Variants in KIRREL2 observed in about 807,000 individuals in gnomAD.
KIRREL2 encodes the protein kin of IRRE-like protein 2.
KIRREL2 carries 56 observed loss-of-function variants against 73.4 expected under a neutral mutation model. The ratio of observed to expected loss-of-function variants is 0.76; its 90% CI spans 0.62 to 0.95. The LOEUF is 0.95. KIRREL2 is among the 40% of genes least tolerant of loss of function. KIRREL2 has a pLI of 0.00. For missense variants in KIRREL2, 896 were observed against 935.0 expected (o/e 0.96, Z 0.54); for synonymous variants, 407 against 404.0 (o/e 1.01, Z -0.09).
At chr19:35,864,299 C>T (rs893257351) in intron 13 of KIRREL2, among the ~76,000 whole-genome samples, 16 of 152,110 alleles carry the variant, frequency 1.1e-4, no homozygotes, top group African/African-American at 3.4e-4. Context: ...AAGTGATTCT[C>T]GTTCCTTAGC....
Position 35,860,654 on chromosome 19 carries a change from G to C in KIRREL2, c.915G>C (p.Ala305=). Reference sequence around the variant, plus strand: ...TGGGTAGCGCCAACCGCAGTACTGCGCTGGATGTGCTGTGTGAGCTGGGGC... The same window carrying C: ...TGGGTAGCGCCAACCGCAGTACTGCCCTGGATGTGCTGTGTGAGCTGGGGC... The part of the protein sequence containing the change: ...NAVGSANRST[A]LDVLFGPILQ... The change falls in exon 7 of 15, where the codon GCG becomes GCC. Residue 305 remains alanine, a synonymous_variant. Coordinates refer to ENST00000360202, the MANE Select transcript of KIRREL2 (RefSeq NM_199180.4). The C allele has an allele frequency of 6.2e-7, 1 of 1,602,930 alleles. No individual in the cohort carries two copies. The highest frequency in any genetic ancestry group is 8.5e-7 in the Non-Finnish European group (1 of 1,179,900).
chr19:35,866,624 A>C lies in KIRREL2; in HGVS notation c.*132A>C. On this transcript the variant is annotated 3_prime_UTR_variant, in exon 15 of 15. Coordinates refer to ENST00000360202, the MANE Select transcript of KIRREL2 (RefSeq NM_199180.4). ...CACAAGGGGAGGGAAAGATCATTAC[A>C]TTTGTCAGGAGCATTTGTATACAGT... 3.0e-6 allele frequency: 4 copies of C among 1,348,846 alleles called. No homozygotes were observed. The Admixed American group carries it at 8.2e-5, about 28-fold the overall frequency. 83.6% of individuals were successfully genotyped at this position (1,348,846 alleles called of 1,614,324 possible). A position where few individuals can be genotyped will look rare whatever the true frequency, so the allele number is the denominator to read the frequency against.
In KIRREL2 at chr19:35,866,893, A is replaced by C. The variant is rs1033822144; in HGVS notation, c.*401A>C. On this transcript the variant is annotated 3_prime_UTR_variant, in exon 15 of 15. Coordinates refer to ENST00000360202, the MANE Select transcript of KIRREL2 (RefSeq NM_199180.4). ...TAGCATAGGATAGATGAAGATGAAG[A>C]GCATACCAGGCCCCACCCTGGCTCT... is the stretch of plus-strand genomic sequence containing the variant. 1.6e-5 allele frequency: 4 copies of C among 255,484 alleles called. No individual in the cohort carries two copies. Among genetic ancestry groups the C allele is most frequent in the Non-Finnish European group, 2.9e-5 (4 of 136,260 alleles). The allele number at this position is 255,484 out of a possible 1,614,324, so 15.8% of individuals were successfully genotyped here.
At chr19:35,853,367 G>C (rs1599851009), upstream of KIRREL2, among the ~76,000 whole-genome samples, 1 of 152,206 alleles carries the variant, frequency 6.6e-6, no homozygotes, top group Non-Finnish European at 1.5e-5. Flanking sequence ...CCCCAGTGTG[G>C]GTGCAGTGTG....
In KIRREL2 at chr19:35,861,804, G is replaced by A; in HGVS notation, c.1291-1G>A. 6.3e-7 allele frequency: 1 copy of A among 1,588,308 alleles called. No individual in the cohort carries two copies. The highest frequency in any genetic ancestry group is 8.6e-7 in the Non-Finnish European group (1 of 1,167,230). ...GTGTCCTCCCTCTTTTGTGCCCCCA[G>A]GTCTGGTCTTGGGATGAGGGCTTCC... On this transcript the variant is annotated splice_acceptor_variant, in intron 10 of 14. Coordinates refer to ENST00000360202, the MANE Select transcript of KIRREL2 (RefSeq NM_199180.4). LOFTEE classifies it high-confidence loss of function.
chr19:35,863,652 A>T (rs1003032966), intron 13 of KIRREL2, among the ~76,000 whole-genome samples: 2 of 151,714 alleles, frequency 1.3e-5, no homozygotes, highest in African/African-American at 2.4e-5. Flanking sequence ...GGGTTTCACC[A>T]TGTTGGCCAG....
Position 35,857,502 on chromosome 19 carries a change from T to G in KIRREL2, c.211+8T>G. On this transcript the variant is annotated splice_region_variant and intron_variant, in intron 2 of 14. Transcript: ENST00000360202. ...GCCAAAGGGACCTACCAGGTAAGAG[T>G]GTTCTCTCCACGCTGGGACGGGCTG... The G allele has an allele frequency of 6.4e-7, 1 of 1,562,746 alleles. No individual in the cohort carries two copies. Among genetic ancestry groups the G allele is most frequent in the Non-Finnish European group, 8.6e-7 (1 of 1,156,202 alleles).
At chr19:35,858,643 G>T in intron 3 of KIRREL2, 61 bp from the exon 4 acceptor site, 1 of 1,608,638 alleles carries the variant, frequency 6.2e-7, no homozygotes, top group Non-Finnish European at 8.5e-7. Flanking sequence ...GAGCCCAGGG[G>T]CATGGTCAAT....
rs761189830 is a variant in KIRREL2, at chr19:35,858,528, G to A, written c.332G>A (p.Arg111His). The A allele has an allele frequency of 6.2e-6, 10 of 1,614,138 alleles. No individual in the cohort carries two copies. Among genetic ancestry groups the A allele is most frequent in the African/African-American group, 2.7e-5 (2 of 75,048 alleles). Residue 111 changes from arginine (R) to histidine (H), a missense_variant, in exon 3 of 15, where the codon CGC becomes CAC. Transcript: ENST00000360202. ...YECQATQAGL[R>H]SRPAQLHVLV... is the part of the protein sequence containing the mutation. ...TGTCAGGCTACACAAGCAGGCCTCC[G>A]CTCCAGACCAGCCCAACTGCACGTG...
rs775542301 is a variant in KIRREL2, at chr19:35,860,997, G to A, written c.1017G>A (p.Pro339=). The change falls in exon 8 of 15, where the codon CCG becomes CCA. Residue 339 remains proline, a synonymous_variant. Transcript: ENST00000360202. The part of the protein sequence containing the change: ...ASFSCAWRGN[P]LPRVTWTRRG... The stretch of plus-strand genomic sequence containing the variant: ...TCAGCTGCGCCTGGCGCGGGAACCC[G>A]CTTCCACGGGTAACCTGGACCCGCC... The A allele has an allele frequency of 3.7e-6, 6 of 1,612,130 alleles. No homozygotes were observed. Among genetic ancestry groups the A allele is most frequent in the Non-Finnish European group, 5.1e-6 (6 of 1,179,434 alleles).
Position 35,862,024 on chromosome 19 carries a change from G to A in KIRREL2, c.1510G>A (p.Asp504Asn). ...GGAQASLGRR[D>N]LLPTVRIVAG... is the part of the protein sequence containing the mutation. ...TGCCCAGGCCAGCCTGGGCCGTAGA[G>A]GTGAGACCCCAGCCCGAAGACCCCA... Residue 504 changes from aspartate (D) to asparagine (N), a missense_variant and splice_region_variant, in exon 11 of 15, where the codon GAC (aspartate) becomes AAC (asparagine). Physicochemically the swap from Asp to Asn is conservative, Grantham distance 23. Transcript: ENST00000360202. 1 of 1,605,778 alleles carries A rather than the reference G, an allele frequency of 6.2e-7. No homozygotes were observed. The highest frequency in any genetic ancestry group is 1.1e-5 in the South Asian group (1 of 89,574).
rs762625007 is a variant in KIRREL2, at chr19:35,866,490, TGACATCTTTCCAATGGAA to T, written c.*1_*18del. The T allele has an allele frequency of 6.2e-7, 1 of 1,613,646 alleles. No individual in the cohort carries two copies. The highest frequency in any genetic ancestry group is 2.2e-5 in the East Asian group (1 of 44,868). On this transcript the variant is annotated stop_retained_variant and 3_prime_UTR_variant, in exon 15 of 15. Transcript: ENST00000360202. ...CCACCCGCGTCTCCAGACTCACGTG[TGACATCTTTCCAATGGAA>T]GAGTCCTGGGATCTCCAACTTGCCA...
rs545644011 is a variant in KIRREL2 at position 35,863,519 on chromosome 19, C to G, written c.1725+483C>G. On this transcript the variant is annotated intron_variant, in intron 13 of 14. Transcript: ENST00000360202. ...CCAGGCTGGAGTACAGTGCTGCGAT[C>G]TCGGCTCACTGCAACCTCTGCCTCC... 4.0e-5 allele frequency among the ~76,000 whole-genome samples: 6 copies of G among 148,362 alleles called. No homozygotes were observed. In the East Asian group the frequency reaches 1.2e-3, roughly 30 times the overall value.
chr19:35,861,173 G>GT lies in KIRREL2; in HGVS notation c.1108_1109insT (p.Ala370ValfsTer9). Reference sequence around the variant, plus strand: ...TCTTCCGTCGGTGGGGCCCGAGGACGCAGGCGACTATGTGTGCAGAGCTGA... The same window carrying GT: ...TCTTCCGTCGGTGGGGCCCGAGGACGTCAGGCGACTATGTGTGCAGAGCTGA... On this transcript the variant is annotated frameshift_variant, in exon 9 of 15. Transcript: ENST00000360202. LOFTEE classifies it high-confidence loss of function. 6.3e-7 allele frequency: 1 copy of GT among 1,584,686 alleles called. No individual in the cohort carries two copies. The highest frequency in any genetic ancestry group is 8.6e-7 in the Non-Finnish European group (1 of 1,167,932).
At position 35,857,030 on chromosome 19, in the gene KIRREL2, C is replaced by G; in HGVS notation, c.-90C>G. The G allele has an allele frequency of 7.3e-7, 1 of 1,377,736 alleles. No individual in the cohort carries two copies. Among genetic ancestry groups the G allele is most frequent in the Admixed American group, 1.7e-5 (1 of 58,878 alleles). 85.3% of individuals were successfully genotyped at this position (1,377,736 alleles called of 1,614,324 possible). Reference sequence around the variant, plus strand: ...CGAAGAGTCGAGCGTGAAGGGGGCTCCGGGCCAGGGTGACAGGAGGCGTGC... The same window carrying G: ...CGAAGAGTCGAGCGTGAAGGGGGCTGCGGGCCAGGGTGACAGGAGGCGTGC... On this transcript the variant is annotated 5_prime_UTR_variant, in exon 1 of 15. Coordinates refer to ENST00000360202, the MANE Select transcript of KIRREL2 (RefSeq NM_199180.4).
chr19:35,863,037 G>T lies in KIRREL2; in HGVS notation c.1725+1G>T. ...GGAGACAGGCAGCCGCGAGGACCGGGTAGGATGCCAGGGTCCCCAGACCTG... is the reference window on the plus strand; with the variant it reads ...GGAGACAGGCAGCCGCGAGGACCGGTTAGGATGCCAGGGTCCCCAGACCTG... On this transcript the variant is annotated splice_donor_variant, in intron 13 of 14. Coordinates refer to ENST00000360202, the MANE Select transcript of KIRREL2 (RefSeq NM_199180.4). LOFTEE classifies it high-confidence loss of function. The T allele has an allele frequency of 1.3e-6, 2 of 1,548,468 alleles. No individual in the cohort carries two copies. Among genetic ancestry groups the T allele is most frequent in the Non-Finnish European group, 1.8e-6 (2 of 1,135,994 alleles).
chr19:35,857,394 G>A lies in KIRREL2; in HGVS notation c.111G>A (p.Leu37=). 1 of 1,613,008 alleles carries A rather than the reference G, an allele frequency of 6.2e-7. No individual in the cohort carries two copies. The highest frequency in any genetic ancestry group is 8.5e-7 in the Non-Finnish European group (1 of 1,180,018). Reference sequence around the variant, plus strand: ...AGCCAGAGGACCTGGTGGTGCTGCTGGGGGAGGAAGCCCGGCTGCCGTGTG... The same window carrying A: ...AGCCAGAGGACCTGGTGGTGCTGCTAGGGGAGGAAGCCCGGCTGCCGTGTG... ...LQQPEDLVVL[L]GEEARLPCAL... is the part of the protein sequence containing the mutation. Residue 37 remains leucine, a synonymous_variant, in exon 2 of 15, where the codon CTG becomes CTA. Transcript: ENST00000360202.
chr19:35,864,851 C>T, intron 14 of KIRREL2, 138 bp downstream of exon 14: 1 of 657,892 alleles, frequency 1.5e-6, no homozygotes, highest in East Asian at 2.8e-5. Flanking sequence ...AGCTCCCCAC[C>T]CCACTCCTCC....
intron 12 of KIRREL2, 149 bp from the exon 13 acceptor site, chr19:35,862,778 A>C (rs1351539802): frequency 1.5e-5 from 10 of 680,340 alleles, no homozygotes; most frequent in Non-Finnish European, 2.3e-5. Context: ...TCCCAGGGTC[A>C]CACTCCTCGG....
Sources: gnomAD v4.1 joint callset for allele counts (sites outside exome capture counted in the v4.1 genomes callset) on GRCh38, gnomAD v4.1.1 for gene constraint, MANE v1.5 for transcripts, NCBI Gene and HGNC (gene_info 2026-07-23, HGNC 2026-07-21) for gene names.